The following KANK1 variants were observed in gnomAD, a reference collection of about 807,000 sequenced individuals.
The protein encoded by KANK1 is KN motif and ankyrin repeat domains 1, also known as KN motif and ankyrin repeat domain-containing protein 1.
KANK1 carries 109 observed loss-of-function variants against 106.2 expected under a neutral mutation model. The ratio of observed to expected loss-of-function variants is 1.03; its 90% CI spans 0.88 to 1.20. The LOEUF is 1.20. Ranked by LOEUF, KANK1 falls within the 50% of genes most tolerant of loss-of-function variation. The probability of loss-of-function intolerance (pLI) is 0.00; values close to 1 mark genes in which losing one functional copy is unlikely to be tolerated. For synonymous variants in KANK1, 873 were observed against 652.2 expected, an observed-to-expected ratio of 1.34 and a Z score of -5.16; for missense variants, 2,399 against 1,710.7, an observed-to-expected ratio of 1.40 and a Z score of -7.10.
At chr9:636,514 C>T (rs1837173546) in intron 1 of KANK1, among the ~76,000 whole-genome samples, 1 of 152,162 alleles carries the variant, frequency 6.6e-6, no homozygotes, top group Non-Finnish European at 1.5e-5. Context: ...TTCCCATCAA[C>T]AGAGTCCGAA....
At chr9:551,857 G>T (rs2061302704) in intron 1 of KANK1, among the ~76,000 whole-genome samples, 1 of 151,658 alleles carries the variant, frequency 6.6e-6, no homozygotes, top group South Asian at 2.1e-4. Context: ...AGACCACCCT[G>T]GGCAACATAG....
intron 1 of KANK1, among the ~76,000 whole-genome samples, chr9:570,021 G>A (rs1198644514): frequency 6.6e-6 from 1 of 152,014 alleles, no homozygotes; most frequent in African/African-American, 2.4e-5. Flanking sequence ...TAGGATTTAT[G>A]TTTTTTAAAA....
At position 725,810 on chromosome 9, in the gene KANK1, C is replaced by G. The variant is rs144492863; in HGVS notation, c.2699-4241C>G. ...TTCGTTCTTTTTCTTCATATTGCCT[C>G]AAAATACAATCAACACTTAAGCTGC... On this transcript the variant is annotated intron_variant, in intron 3 of 11. Coordinates refer to ENST00000382297, the MANE Select transcript of KANK1 (RefSeq NM_015158.5). 3.7e-4 allele frequency among the ~76,000 whole-genome samples: 56 copies of G among 152,230 alleles called. 1 individual carries two copies. Among genetic ancestry groups the G allele is most frequent in the African/African-American group, 1.3e-3 (54 of 41,548 alleles).
chr9:692,846 C>T (rs145883733), intron 2 of KANK1, among the ~76,000 whole-genome samples: 18 of 152,138 alleles, frequency 1.2e-4, no homozygotes, highest in South Asian at 2.1e-4. Flanking sequence ...AAGACCCCAT[C>T]ACTACAAGAA....
intron 1 of KANK1, among the ~76,000 whole-genome samples, chr9:666,141 A>G (rs1384387368): frequency 6.6e-6 from 1 of 152,124 alleles, no homozygotes; most frequent in Non-Finnish European, 1.5e-5. Context: ...TGCATTGGTG[A>G]CAGAGTGCAA....
At position 596,188 on chromosome 9, in the gene KANK1, C is replaced by G. The variant is rs1043659114; in HGVS notation, c.-83-80702C>G. Among the ~76,000 whole-genome samples the G allele has an allele frequency of 3.5e-4, 53 of 151,854 alleles. 3 individuals are homozygous for G. The highest frequency in any genetic ancestry group is 1.2e-3 in the African/African-American group (50 of 41,124). On this transcript the variant is annotated intron_variant, in intron 1 of 11. Coordinates refer to ENST00000382297, the MANE Select transcript of KANK1 (RefSeq NM_015158.5). ...GAAATTTCCACTTTTGGTGTCATGTCAGCATTCAAAAAGTGTTGGATTTTG... is the reference window on the plus strand; with the variant it reads ...GAAATTTCCACTTTTGGTGTCATGTGAGCATTCAAAAAGTGTTGGATTTTG...
chr9:493,431 T>G (rs1446117254), intron 3 of KANK1, among the ~76,000 whole-genome samples: 1 of 152,100 alleles, frequency 6.6e-6, no homozygotes, highest in Non-Finnish European at 1.5e-5. Context: ...ACATTCTGAT[T>G]GCAACCTTAT....
chr9:559,674 C>T (rs371277195), intron 1 of KANK1, among the ~76,000 whole-genome samples: 1 of 152,148 alleles, frequency 6.6e-6, no homozygotes, highest in African/African-American at 2.4e-5. Flanking sequence ...AAAAGACAAA[C>T]AGATATTTTT....
Position 734,804 on chromosome 9 carries a change from A to G in KANK1, c.3302A>G (p.Asn1101Ser). 4.3e-6 allele frequency: 7 copies of G among 1,613,764 alleles called. No individual in the cohort carries two copies. The highest frequency in any genetic ancestry group is 5.9e-6 in the Non-Finnish European group (7 of 1,179,640). The change falls in exon 7 of 12, where the codon AAT (asparagine) becomes AGT (serine). Residue 1101 changes from asparagine to serine, a missense_variant. By Grantham distance (46) the Asn-to-Ser change is conservative (BLOSUM62 1). Transcript: ENST00000382297. ...TGCAACTTACTGAAAAATACTATAA[A>G]TGACCCCAAAGCTTTGACCAGCAAA... is the stretch of plus-strand genomic sequence containing the variant. The part of the protein sequence containing the change: ...SACNLLKNTI[N>S]DPKALTSKDM...
At position 711,940 on chromosome 9, in the gene KANK1, C is replaced by G. The variant is rs767564838; in HGVS notation, c.1174C>G (p.Leu392Val). The G allele has an allele frequency of 2.2e-5, 36 of 1,614,166 alleles. No homozygotes were observed. The highest frequency in any genetic ancestry group is 2.6e-5 in the Non-Finnish European group (31 of 1,180,044). The change falls in exon 3 of 12, where the codon CTC (leucine) becomes GTC (valine). Residue 392 changes from leucine (L) to valine (V), a missense_variant. Transcript: ENST00000382297. ...CAGCAGCTGTGAGGCCTCCTCAGAG[C>G]TCAGGGAGAATGGAGAGTGCCGGTC... ...QDSSCEASSE[L>V]RENGECRSVA...
At chr9:512,002 C>T (rs2059049489) in intron 1 of KANK1, among the ~76,000 whole-genome samples, 1 of 149,514 alleles carries the variant, frequency 6.7e-6, no homozygotes, top group Middle Eastern at 3.4e-3. Context: ...TCCACTGGCT[C>T]CAAAAAGGCT....
At position 599,988 on chromosome 9, in the gene KANK1, T is replaced by C. The variant is rs1234577082; in HGVS notation, c.-83-76902T>C. ...ATCAACGTATGTCCATGTAAGTCTT[T>C]AAGGTAATAAGAATTGCTGAGGCAA... On this transcript the variant is annotated intron_variant, in intron 1 of 11. Coordinates refer to ENST00000382297, the MANE Select transcript of KANK1 (RefSeq NM_015158.5). Among the ~76,000 whole-genome samples, 5 of 151,984 alleles carry C rather than the reference T, an allele frequency of 3.3e-5. 1 individual carries two copies. The highest frequency in any genetic ancestry group is 1.2e-4 in the African/African-American group (5 of 41,260).
At chr9:673,127 A>T (rs945421207) in intron 1 of KANK1, among the ~76,000 whole-genome samples, 3 of 152,056 alleles carry the variant, frequency 2.0e-5, no homozygotes, top group African/African-American at 7.2e-5. Flanking sequence ...TAACTGAGAA[A>T]AATCAATACA....
At chr9:719,968 CTTGT>C (rs1187611605) in intron 3 of KANK1, among the ~76,000 whole-genome samples, 1 of 152,136 alleles carries the variant, frequency 6.6e-6, no homozygotes, top group Non-Finnish European at 1.5e-5. Context: ...TTTTAAGTGG[CTTGT>C]TTTTCATTAT....
At chr9:472,245 G>A (rs1197304679) in intron 2 of KANK1, among the ~76,000 whole-genome samples, 1 of 152,212 alleles carries the variant, frequency 6.6e-6, no homozygotes, top group East Asian at 1.9e-4. Context: ...CTCAAGCCAT[G>A]ACTGACCAAG....
intron 1 of KANK1, among the ~76,000 whole-genome samples, chr9:581,521 T>C (rs201139212): frequency 6.6e-6 from 1 of 152,048 alleles, no homozygotes; most frequent in Non-Finnish European, 1.5e-5. Context: ...TATGAACCAT[T>C]CTTCATTAGT....
At chr9:617,390 C>A (rs1388591219) in intron 1 of KANK1, among the ~76,000 whole-genome samples, 1 of 152,112 alleles carries the variant, frequency 6.6e-6, no homozygotes. Context: ...ATGTCTAAAA[C>A]CTATGTTTTA....
At chr9:700,472 C>A (rs1822388821) in intron 2 of KANK1, among the ~76,000 whole-genome samples, 1 of 152,212 alleles carries the variant, frequency 6.6e-6, no homozygotes, top group African/African-American at 2.4e-5. Flanking sequence ...GATGTGCTAA[C>A]TTAATTACTC....
intron 1 of KANK1, among the ~76,000 whole-genome samples, chr9:573,410 C>T (rs1433515466): frequency 2.0e-5 from 3 of 152,096 alleles, no homozygotes; most frequent in Non-Finnish European, 4.4e-5. Context: ...GCTGGGACTA[C>T]AGGTGCCCGC....
Sources: allele counts gnomAD v4.1 joint callset (sites outside exome capture counted in the v4.1 genomes callset), GRCh38; gene constraint gnomAD v4.1.1; transcripts MANE v1.5; gene names NCBI Gene and HGNC (gene_info 2026-07-23, HGNC 2026-07-21).